The following GNAQ variants were observed in gnomAD, a reference collection of about 807,000 sequenced individuals.
GNAQ encodes G protein subunit alpha q, also known as guanine nucleotide-binding protein G(q) subunit alpha.
In GNAQ, 8 loss-of-function variants were observed where a neutral mutation model predicts 43.9. The ratio of observed to expected loss-of-function variants is 0.18; its 90% CI spans 0.11 to 0.33. The LOEUF (loss-of-function observed/expected upper bound fraction) is 0.33, where lower values mean the gene tolerates loss of function less well. GNAQ is among the 10% of genes least tolerant of loss of function. The pLI, the probability that GNAQ is intolerant of heterozygous loss-of-function variation, is 1.00. For synonymous variants in GNAQ, 155 were observed against 170.7 expected, an observed-to-expected ratio of 0.91 and a Z score of 0.71; for missense variants, 158 against 450.8, an observed-to-expected ratio of 0.35 and a Z score of 5.88.
At chr9:77,729,246 A>G (rs1825447339) in intron 5 of GNAQ, among the ~76,000 whole-genome samples, 1 of 152,198 alleles carries the variant, frequency 6.6e-6, no homozygotes, top group Non-Finnish European at 1.5e-5. Context: ...TTTCCTGTTC[A>G]TGAGTGCATG....
intron 1 of GNAQ, among the ~76,000 whole-genome samples, chr9:78,019,683 G>A (rs1306257967): frequency 6.6e-6 from 1 of 152,230 alleles, no homozygotes; most frequent in Admixed American, 6.5e-5. Flanking sequence ...AACACTTTGG[G>A]AGGCCAAGAT....
chr9:77,753,540 C>A (rs528715368), intron 5 of GNAQ, among the ~76,000 whole-genome samples: 1 of 152,166 alleles, frequency 6.6e-6, no homozygotes, highest in African/African-American at 2.4e-5. Context: ...GAACGAATAA[C>A]CTTTCACAGA....
At chr9:77,766,852 C>A (rs990658942) in intron 5 of GNAQ, among the ~76,000 whole-genome samples, 1 of 152,106 alleles carries the variant, frequency 6.6e-6, no homozygotes, top group Non-Finnish European at 1.5e-5. Flanking sequence ...AACAAGGTGG[C>A]TATGTGGGAC....
chr9:77,820,257 T>C (rs1167513760), intron 2 of GNAQ, among the ~76,000 whole-genome samples: 1 of 152,186 alleles, frequency 6.6e-6, no homozygotes, highest in Non-Finnish European at 1.5e-5. Context: ...TTCTCAAATT[T>C]GCAAATACTG....
intron 5 of GNAQ, among the ~76,000 whole-genome samples, chr9:77,744,076 C>T (rs1369205916): frequency 6.6e-6 from 1 of 152,214 alleles, no homozygotes; most frequent in Non-Finnish European, 1.5e-5. Flanking sequence ...GACCATGAGA[C>T]CATCTTGCCA....
intron 2 of GNAQ, among the ~76,000 whole-genome samples, chr9:77,830,472 T>C (rs1261705408): frequency 1.3e-5 from 2 of 151,988 alleles, no homozygotes; most frequent in African/African-American, 4.8e-5. Flanking sequence ...TGACCAGGAG[T>C]TCTAAGGAGT....
intron 2 of GNAQ, among the ~76,000 whole-genome samples, chr9:77,912,023 C>A (rs969212647): frequency 6.6e-6 from 1 of 152,046 alleles, no homozygotes; most frequent in East Asian, 1.9e-4. Flanking sequence ...TTGGATTAAC[C>A]CTAGGAAATC....
intron 1 of GNAQ, among the ~76,000 whole-genome samples, chr9:77,968,686 T>C (rs1188852103): frequency 1.3e-5 from 2 of 152,250 alleles, no homozygotes; most frequent in East Asian, 3.8e-4. Flanking sequence ...TAAATGGCCT[T>C]CAATTACATT....
chr9:77,946,251 A>C (rs1822892542), intron 1 of GNAQ, among the ~76,000 whole-genome samples: 1 of 152,194 alleles, frequency 6.6e-6, no homozygotes, highest in Non-Finnish European at 1.5e-5. Context: ...GTTCCTAGGA[A>C]TTTCTTGGTG....
At chr9:77,922,919 T>C (rs539068587) in intron 1 of GNAQ, among the ~76,000 whole-genome samples, 7 of 152,220 alleles carry the variant, frequency 4.6e-5, no homozygotes, top group Admixed American at 3.3e-4. Flanking sequence ...AGCCCTGAAC[T>C]CCTGAGATAA....
chr9:77,788,263 A>G (rs574809033), intron 5 of GNAQ, among the ~76,000 whole-genome samples: 62 of 152,288 alleles, frequency 4.1e-4, no homozygotes, highest in African/African-American at 1.5e-3. Flanking sequence ...AAACAACCCA[A>G]CTGGCTAAGG....
chr9:77,753,913 G>T (rs886461717), intron 5 of GNAQ, among the ~76,000 whole-genome samples: 13 of 152,300 alleles, frequency 8.5e-5, no homozygotes, highest in Admixed American at 7.2e-4. Flanking sequence ...TGCCTGTCAG[G>T]AAGTCATCTT....
chr9:77,924,547 T>C (rs1829041296), intron 1 of GNAQ, among the ~76,000 whole-genome samples: 1 of 152,174 alleles, frequency 6.6e-6, no homozygotes, highest in Non-Finnish European at 1.5e-5. Context: ...TACTTATCAC[T>C]ACCCTACGCC....
At position 78,031,700 on chromosome 9, in the gene GNAQ, C is replaced by T. The variant is rs1200053008; in HGVS notation, c.-465G>A. ...AGCGGCCGCCGACGGCTCCCCGCGC[C>T]CGGCGCGCCCGCTCCTCGCCGCCGC... On this transcript the variant is annotated 5_prime_UTR_variant, in exon 1 of 7. Coordinates refer to ENST00000286548, the MANE Select transcript of GNAQ (RefSeq NM_002072.5). Among the ~76,000 whole-genome samples, 11 of 147,500 alleles carry T rather than the reference C, an allele frequency of 7.5e-5. No homozygotes were observed. Among genetic ancestry groups the T allele is most frequent in the Admixed American group, 2.0e-4 (3 of 14,866 alleles).
intron 5 of GNAQ, among the ~76,000 whole-genome samples, chr9:77,775,049 G>T (rs112873365): frequency 6.6e-6 from 1 of 152,000 alleles, no homozygotes; most frequent in African/African-American, 2.4e-5. Flanking sequence ...GTGCTGTTTT[G>T]AAATTATTTA....
At chr9:77,735,970 A>G (rs1479389794) in intron 5 of GNAQ, among the ~76,000 whole-genome samples, 6 of 152,208 alleles carry the variant, frequency 3.9e-5, no homozygotes, top group Non-Finnish European at 2.9e-5. Context: ...CTGTGGCCTG[A>G]GCACACAGTA....
chr9:77,886,332 T>C (rs973765917), intron 2 of GNAQ, among the ~76,000 whole-genome samples: 30 of 65,688 alleles, frequency 4.6e-4, no homozygotes, highest in Non-Finnish European at 8.1e-4. Context: ...AGAAAATATA[T>C]TTACACATTT....
chr9:77,779,357 A>G (rs1044144290), intron 5 of GNAQ, among the ~76,000 whole-genome samples: 1 of 152,000 alleles, frequency 6.6e-6, no homozygotes, highest in Non-Finnish European at 1.5e-5. Flanking sequence ...GTTTTGAACT[A>G]AACGAAAAAT....
intron 2 of GNAQ, among the ~76,000 whole-genome samples, chr9:77,822,498 G>C (rs1827132799): frequency 1.3e-5 from 2 of 151,972 alleles, no homozygotes; most frequent in South Asian, 4.1e-4. Flanking sequence ...TTAACCAGAG[G>C]AGTATGTTGC....
Sources: gnomAD v4.1 joint callset for allele counts (sites outside exome capture counted in the v4.1 genomes callset) on GRCh38, gnomAD v4.1.1 for gene constraint, MANE v1.5 for transcripts, NCBI Gene and HGNC (gene_info 2026-07-23, HGNC 2026-07-21) for gene names.